Variants in PDE10A observed in about 807,000 individuals in gnomAD.
The protein encoded by PDE10A is cAMP and cAMP-inhibited cGMP 3',5'-cyclic phosphodiesterase 10A.
A neutral mutation model predicts 97.7 loss-of-function variants in PDE10A; 39 were observed. The observed-to-expected ratio is 0.40, with a 90% CI of 0.31 to 0.52. PDE10A has a LOEUF of 0.52. Among genes scored for constraint, PDE10A ranks in the 20% least tolerant of loss-of-function variants. The pLI, the probability that PDE10A is intolerant of heterozygous loss-of-function variation, is 0.56. For missense variants in PDE10A, 731 were observed against 1,047.8 expected, an observed-to-expected ratio of 0.70 and a Z score of 4.17; for synonymous variants, 371 against 376.8, an observed-to-expected ratio of 0.98 and a Z score of 0.18.
chr6:165,723,790 CCTA>C (rs1792223541), intron 1 of PDE10A, among the ~76,000 whole-genome samples: 1 of 151,834 alleles, frequency 6.6e-6, no homozygotes, highest in Non-Finnish European at 1.5e-5. Flanking sequence ...CAATTGGATA[CCTA>C]AACATTTTAA....
chr6:165,391,792 A>G (rs1247768168), intron 16 of PDE10A, among the ~76,000 whole-genome samples: 2 of 152,202 alleles, frequency 1.3e-5, no homozygotes, highest in Admixed American at 1.3e-4. Flanking sequence ...AATAGGATGG[A>G]AAAGGATAGG....
intron 2 of PDE10A, among the ~76,000 whole-genome samples, chr6:165,502,919 T>C (rs1470985344): frequency 1.3e-5 from 2 of 152,144 alleles, no homozygotes; most frequent in African/African-American, 4.8e-5. Context: ...TTGATTGGGG[T>C]GGTAGTTACA....
chr6:165,565,774 C>T (rs1784748754), intron 1 of PDE10A, among the ~76,000 whole-genome samples: 1 of 151,928 alleles, frequency 6.6e-6, no homozygotes, highest in South Asian at 2.1e-4. Flanking sequence ...ATAAACAGAC[C>T]CAAATAAATA....
intron 18 of PDE10A, among the ~76,000 whole-genome samples, chr6:165,354,999 G>A (rs892985040): frequency 2.6e-5 from 4 of 152,112 alleles, no homozygotes; most frequent in Admixed American, 6.6e-5. Flanking sequence ...TCATTATAAT[G>A]TAGAATTCTG....
At chr6:165,888,753 T>A (rs1297768883) in intron 1 of PDE10A, among the ~76,000 whole-genome samples, 2 of 152,198 alleles carry the variant, frequency 1.3e-5, no homozygotes, top group Non-Finnish European at 2.9e-5. Flanking sequence ...TTGAAAAGCA[T>A]GGTGAGAGTT....
intron 1 of PDE10A, among the ~76,000 whole-genome samples, chr6:165,955,134 A>C (rs1784097013): frequency 6.6e-6 from 1 of 152,086 alleles, no homozygotes; most frequent in South Asian, 2.1e-4. Flanking sequence ...ACACGCGTAG[A>C]AAGGAGCCCA....
intron 1 of PDE10A, among the ~76,000 whole-genome samples, chr6:165,727,022 T>C (rs1240802407): frequency 6.7e-6 from 1 of 148,208 alleles, no homozygotes; most frequent in Non-Finnish European, 1.5e-5. Context: ...GGGGTTCCCC[T>C]GGGACCGAGC....
chr6:165,392,894 T>C (rs187559809), intron 15 of PDE10A, 98 bp from the exon 16 acceptor site: 76 of 1,042,778 alleles, frequency 7.3e-5, no homozygotes, highest in South Asian at 5.2e-4. Flanking sequence ...TGTACCCTTA[T>C]ACATTTGCAA....
chr6:165,765,286 C>T (rs1468626070), intron 1 of PDE10A, among the ~76,000 whole-genome samples: 1 of 152,290 alleles, frequency 6.6e-6, no homozygotes, highest in Non-Finnish European at 1.5e-5. Context: ...CATGCGCTCT[C>T]ACTCCTCAGC....
intron 2 of PDE10A, among the ~76,000 whole-genome samples, chr6:165,528,931 C>T (rs2128313427): frequency 6.6e-6 from 1 of 152,278 alleles, no homozygotes; most frequent in Admixed American, 6.5e-5. Context: ...TACTGTTTCT[C>T]CCATATTCAG....
In PDE10A at chr6:165,426,064, C is replaced by T. The variant is rs1789134578; in HGVS notation, c.1653+2594G>A. 1.3e-5 allele frequency among the ~76,000 whole-genome samples: 2 copies of T among 151,918 alleles called. 1 individual carries two copies. The highest frequency in any genetic ancestry group is 4.8e-5 in the African/African-American group (2 of 41,352). On this transcript the variant is annotated intron_variant, in intron 10 of 21. Coordinates refer to ENST00000539869, the MANE Select transcript of PDE10A (RefSeq NM_001385079.1). Reference sequence around the variant, plus strand: ...TAAGATCTAGATAAATGGAAAAATACCTCACGTTCGTGTATTAGAAGTCTT... The same window carrying T: ...TAAGATCTAGATAAATGGAAAAATATCTCACGTTCGTGTATTAGAAGTCTT...
chr6:165,943,326 AG>A lies in PDE10A; in HGVS notation c.-615+44202del, dbSNP rs1783639616. ...AAGAAAGAAGGAAGGAAGGAAAGAAAGAAAAAGAAAGAAAGAAAAGAGAAAG... is the reference window on the plus strand; with the variant it reads ...AAGAAAGAAGGAAGGAAGGAAAGAAAAAAAAGAAAGAAAGAAAAGAGAAAG... On this transcript the variant is annotated intron_variant, in intron 1 of 19. Transcript: ENST00000366882. 1.7e-5 allele frequency among the ~76,000 whole-genome samples: 2 copies of A among 119,370 alleles called. 1 individual carries two copies. The highest frequency in any genetic ancestry group is 8.1e-5 in the African/African-American group (2 of 24,622). 78.3% of individuals were successfully genotyped at this position (119,370 alleles called of 152,430 possible). A position where few individuals can be genotyped will look rare whatever the true frequency, so the allele number is the denominator to read the frequency against.
chr6:165,784,283 G>A (rs145673489), intron 1 of PDE10A, among the ~76,000 whole-genome samples: 73 of 151,818 alleles, frequency 4.8e-4, no homozygotes, highest in African/African-American at 1.6e-3. Flanking sequence ...CTCAGTGGAC[G>A]TGTAGCATCC....
intron 1 of PDE10A, among the ~76,000 whole-genome samples, chr6:165,864,299 T>C (rs942630803): frequency 2.6e-5 from 4 of 152,138 alleles, no homozygotes; most frequent in Admixed American, 6.5e-5. Flanking sequence ...ATAAGCAAAA[T>C]TAAAAGACCA....
At chr6:165,846,573 G>A (rs1780425416) in intron 1 of PDE10A, among the ~76,000 whole-genome samples, 1 of 152,200 alleles carries the variant, frequency 6.6e-6, no homozygotes, top group African/African-American at 2.4e-5. Flanking sequence ...ATCACAGTGT[G>A]CACCATCAGT....
intron 1 of PDE10A, among the ~76,000 whole-genome samples, chr6:165,643,927 C>T (rs183773694): frequency 6.6e-6 from 1 of 152,184 alleles, no homozygotes; most frequent in African/African-American, 2.4e-5. Context: ...TGTATGCATA[C>T]ATCAAAGAAT....
intron 1 of PDE10A, among the ~76,000 whole-genome samples, chr6:165,881,056 C>CA (rs545100740): frequency 7.2e-5 from 11 of 151,842 alleles, no homozygotes; most frequent in Non-Finnish European, 1.3e-4. Flanking sequence ...CGTTTTTGAA[C>CA]AAAAAAGAAA....
chr6:165,611,796 G>GTTAT (rs1312611140), intron 1 of PDE10A, among the ~76,000 whole-genome samples: 1 of 152,212 alleles, frequency 6.6e-6, no homozygotes, highest in African/African-American at 2.4e-5. Context: ...GTATAATGAA[G>GTTAT]ATAATGTACT....
chr6:165,906,508 G>T (rs80026678), intron 1 of PDE10A, among the ~76,000 whole-genome samples: 1,725 of 152,240 alleles, frequency 0.011, 28 homozygotes, highest in African/African-American at 0.037. Flanking sequence ...GCCATGAAAT[G>T]AACTTGGTGG....
Sources: gnomAD v4.1 joint callset for allele counts (sites outside exome capture counted in the v4.1 genomes callset) on GRCh38, gnomAD v4.1.1 for gene constraint, MANE v1.5 for transcripts, NCBI Gene and HGNC (gene_info 2026-07-23, HGNC 2026-07-21) for gene names.